ZBTB44: variants seen among roughly 807,000 people sequenced by gnomAD.
ZBTB44 encodes the protein zinc finger and BTB domain-containing protein 44.
A neutral mutation model predicts 54.0 loss-of-function variants in ZBTB44; 15 were observed. That is an observed-to-expected ratio of 0.28 (90% CI 0.19 to 0.43). The LOEUF (loss-of-function observed/expected upper bound fraction) is 0.43, where lower values mean the gene tolerates loss of function less well. ZBTB44 is among the 20% of genes least tolerant of loss of function. The probability of loss-of-function intolerance (pLI) is 1.00; values close to 1 mark genes in which losing one functional copy is unlikely to be tolerated. For synonymous variants in ZBTB44, 230 were observed against 250.1 expected, an observed-to-expected ratio of 0.92 and a Z score of 0.76; for missense variants, 487 against 707.1, an observed-to-expected ratio of 0.69 and a Z score of 3.53.
intron 1 of ZBTB44, among the ~76,000 whole-genome samples, chr11:130,304,104 T>G (rs1459646829): frequency 1.3e-5 from 2 of 152,224 alleles, no homozygotes; most frequent in Non-Finnish European, 2.9e-5. Context: ...CAATCATTAT[T>G]TTAAATCCTA....
chr11:130,303,818 G>A (rs542846206), intron 1 of ZBTB44, among the ~76,000 whole-genome samples: 2 of 151,972 alleles, frequency 1.3e-5, no homozygotes. Context: ...AGTATTAAAA[G>A]GGAAGAATAT....
intron 2 of ZBTB44, among the ~76,000 whole-genome samples, chr11:130,255,911 A>T (rs367802501): frequency 6.6e-6 from 1 of 150,388 alleles, no homozygotes; most frequent in South Asian, 2.1e-4. Context: ...AAAAAAAAAA[A>T]AAAAAAAAAA....
chr11:130,275,051 T>C (rs1201162011), intron 1 of ZBTB44, among the ~76,000 whole-genome samples: 4 of 152,228 alleles, frequency 2.6e-5, no homozygotes, highest in Admixed American at 1.3e-4. Flanking sequence ...TCTATTCAGA[T>C]TGTCTACTGC....
intron 1 of ZBTB44, among the ~76,000 whole-genome samples, chr11:130,293,890 C>T (rs1272059769): frequency 6.6e-6 from 1 of 152,074 alleles, no homozygotes; most frequent in Non-Finnish European, 1.5e-5. Context: ...ATGAATAAGC[C>T]CTTTCTAGTT....
rs1954268729 is a variant in ZBTB44 at position 130,239,718 on chromosome 11, TAATA to T, written c.1103+90_1103+93del. 5.1e-6 allele frequency: 5 copies of T among 984,542 alleles called. No individual in the cohort carries two copies. The Admixed American group carries it at 1.1e-4, about 21-fold the overall frequency. The allele number at this position is 984,542 out of a possible 1,614,324, so 61.0% of individuals were successfully genotyped here. ...TGAAAAGTATACTGAAGTGAGGTTG[TAATA>T]AACTTCTACAACTCTTGAGATGAAA... is the stretch of plus-strand genomic sequence containing the variant. On this transcript the variant is annotated intron_variant, in intron 3 of 7. Coordinates refer to ENST00000357899, the MANE Select transcript of ZBTB44 (RefSeq NM_001301098.2).
rs774599371 is a variant in ZBTB44 at position 130,281,049 on chromosome 11, T to A, written c.-56-19120A>T. 7.2e-4 allele frequency among the ~76,000 whole-genome samples: 109 copies of A among 151,868 alleles called. 2 individuals are homozygous for A. The highest frequency in any genetic ancestry group is 1.9e-4 in the Non-Finnish European group (13 of 67,974). On this transcript the variant is annotated intron_variant, in intron 1 of 7. Coordinates refer to ENST00000357899, the MANE Select transcript of ZBTB44 (RefSeq NM_001301098.2). ...CAACACACTTCTAACAATCCATAAA[T>A]CAAAAGGCAAGACACAAGGGAAGCT...
intron 1 of ZBTB44, among the ~76,000 whole-genome samples, chr11:130,294,926 TA>T (rs571536822): frequency 6.6e-6 from 1 of 152,150 alleles, no homozygotes; most frequent in Non-Finnish European, 1.5e-5. Context: ...TTATTTTCCC[TA>T]AAGAGTTTTT....
chr11:130,296,330 C>T (rs563985940), intron 1 of ZBTB44: 14 of 1,521,872 alleles, frequency 9.2e-6, no homozygotes, highest in African/African-American at 2.8e-5. Context: ...GAAAGAAGCT[C>T]GTGGTCTTCT....
At chr11:130,312,744 T>TA (rs1942687125) in intron 1 of ZBTB44, among the ~76,000 whole-genome samples, 1 of 152,356 alleles carries the variant, frequency 6.6e-6, no homozygotes, top group East Asian at 1.9e-4. Flanking sequence ...GAATCTTGAC[T>TA]GACTACAACT....
Position 130,236,947 on chromosome 11 carries a change from GTT to G in ZBTB44, c.1412_1413del (p.Lys471ThrfsTer41). On this transcript the variant is annotated frameshift_variant, in exon 5 of 8. Coordinates refer to ENST00000357899, the MANE Select transcript of ZBTB44 (RefSeq NM_001301098.2). LOFTEE classifies it high-confidence loss of function. ...SATFTSFGEYKHHMRVSRHII... is the reference protein window; with the variant it reads ...SATFTSFGEYXHHMRVSRHII... ...ATGTGCCGGGAAACCCTCATGTGGT[GTT>G]TATATTCCCCGAAGGAAGTGAAAGT... 1.2e-6 allele frequency: 2 copies of G among 1,612,800 alleles called. No individual in the cohort carries two copies. Among genetic ancestry groups the G allele is most frequent in the Non-Finnish European group, 1.7e-6 (2 of 1,179,476 alleles).
chr11:130,296,332 T>C (rs750968041), intron 1 of ZBTB44: 40 of 1,520,896 alleles, frequency 2.6e-5, no homozygotes, highest in Non-Finnish European at 2.3e-5. Flanking sequence ...AAGAAGCTCG[T>C]GGTCTTCTTT....
chr11:130,302,920 A>T (rs930809127), intron 1 of ZBTB44, among the ~76,000 whole-genome samples: 2 of 152,168 alleles, frequency 1.3e-5, no homozygotes, highest in African/African-American at 4.8e-5. Context: ...GGTTGCAGGG[A>T]GCCAAGATCA....
rs34506406 is a variant in ZBTB44, at chr11:130,273,307, A to ATTT, written c.-56-11381_-56-11379dup. On this transcript the variant is annotated intron_variant, in intron 1 of 7. Coordinates refer to ENST00000357899, the MANE Select transcript of ZBTB44 (RefSeq NM_001301098.2). ...CACCATGAATAAAATTATTTTCTTAATTTTTTTTTTTTTTTTTTTGAGACA... is the reference window on the plus strand; with the variant it reads ...CACCATGAATAAAATTATTTTCTTAATTTTTTTTTTTTTTTTTTTTTTGAGACA... Among the ~76,000 whole-genome samples the ATTT allele has an allele frequency of 3.1e-3, 390 of 126,282 alleles. 4 individuals are homozygous for ATTT. The highest frequency in any genetic ancestry group is 4.2e-3 in the Middle Eastern group (1 of 236). 82.8% of individuals were successfully genotyped at this position (126,282 alleles called of 152,430 possible).
chr11:130,282,074 T>C (rs1033409386), intron 1 of ZBTB44, among the ~76,000 whole-genome samples: 3 of 152,166 alleles, frequency 2.0e-5, no homozygotes, highest in Admixed American at 6.6e-5. Flanking sequence ...TAACACCCTA[T>C]TATAAACTAA....
intron 2 of ZBTB44, among the ~76,000 whole-genome samples, chr11:130,245,533 C>A (rs961080841): frequency 2.0e-5 from 3 of 152,166 alleles, no homozygotes; most frequent in Admixed American, 6.5e-5. Context: ...AGTATTAAAG[C>A]GTACAGACAA....
chr11:130,256,649 G>A (rs1476607969), intron 2 of ZBTB44, among the ~76,000 whole-genome samples: 5 of 141,664 alleles, frequency 3.5e-5, no homozygotes, highest in African/African-American at 8.9e-5. Flanking sequence ...GTGAGACTCC[G>A]TCTCAAAAAT....
rs1211359567 is a variant in ZBTB44, at chr11:130,299,251, T to C, written c.-57+15124A>G. Among the ~76,000 whole-genome samples the C allele has an allele frequency of 3.3e-5, 5 of 152,182 alleles. No individual in the cohort carries two copies. In the East Asian group the frequency reaches 7.7e-4, roughly 23 times the overall value. On this transcript the variant is annotated intron_variant, in intron 1 of 7. Transcript: ENST00000357899. The stretch of plus-strand genomic sequence containing the variant: ...TTTAAAGGAATGAATGCACAGAGTA[T>C]GTTCTTTCACCAAAACAGAAAAAAA...
At chr11:130,309,895 CAAA>C (rs58743892) in intron 1 of ZBTB44, among the ~76,000 whole-genome samples, 10 of 71,474 alleles carry the variant, frequency 1.4e-4, no homozygotes, top group Admixed American at 1.7e-4. Context: ...GACTGCATCT[CAAA>C]AAAAAAAAAA....
chr11:130,250,839 A>C (rs1438488494), intron 2 of ZBTB44, among the ~76,000 whole-genome samples: 1 of 152,198 alleles, frequency 6.6e-6, no homozygotes, highest in Non-Finnish European at 1.5e-5. Flanking sequence ...ATGAGGAAAA[A>C]CCAGCACAAA....
Sources: gnomAD v4.1 joint callset for allele counts (sites outside exome capture counted in the v4.1 genomes callset) on GRCh38, gnomAD v4.1.1 for gene constraint, MANE v1.5 for transcripts, NCBI Gene and HGNC (gene_info 2026-07-23, HGNC 2026-07-21) for gene names.